The following SMIM31 variants were observed in gnomAD, a reference collection of about 807,000 sequenced individuals.
The protein encoded by SMIM31 is human epithelial cell program regulator.
intron 2 of SMIM31, among the ~76,000 whole-genome samples, chr4:164,797,524 C>A (rs1055083646): frequency 1.4e-5 from 2 of 141,890 alleles, no homozygotes; most frequent in African/African-American, 2.7e-5. Context: ...AATGCAGTGG[C>A]GTGATCTTGG....
At chr4:164,790,626 A>C (rs889029107) in intron 2 of SMIM31, among the ~76,000 whole-genome samples, 1 of 152,052 alleles carries the variant, frequency 6.6e-6, no homozygotes, top group Non-Finnish European at 1.5e-5. Flanking sequence ...GGACAAAAAA[A>C]TAAAATAAAG....
At chr4:164,770,788 T>A (rs940063812) in intron 2 of SMIM31, among the ~76,000 whole-genome samples, 10 of 151,348 alleles carry the variant, frequency 6.6e-5, no homozygotes, top group African/African-American at 2.4e-4. Context: ...TTTAAAAAAA[T>A]TCTGTAGAAG....
At chr4:164,769,248 C>T (rs982772302) in intron 1 of SMIM31, among the ~76,000 whole-genome samples, 1 of 152,204 alleles carries the variant, frequency 6.6e-6, no homozygotes, top group Middle Eastern at 3.4e-3. Context: ...CATTAATATT[C>T]GCAAAATACT....
chr4:164,764,876 A>C (rs894115601), intron 1 of SMIM31, among the ~76,000 whole-genome samples: 2 of 152,228 alleles, frequency 1.3e-5, no homozygotes, highest in Admixed American at 1.3e-4. Flanking sequence ...GTAATAGTTA[A>C]AAAGAACAGA....
At chr4:164,774,193 C>T (rs1732852184) in intron 2 of SMIM31, among the ~76,000 whole-genome samples, 1 of 149,264 alleles carries the variant, frequency 6.7e-6, no homozygotes, top group Non-Finnish European at 1.5e-5. Context: ...AAAGGTTCAT[C>T]ATCATGAAAA....
chr4:164,782,774 T>C (rs957371860), intron 2 of SMIM31, among the ~76,000 whole-genome samples: 4 of 152,158 alleles, frequency 2.6e-5, no homozygotes, highest in Non-Finnish European at 5.9e-5. Context: ...ATGTAAACAG[T>C]ACTGCAAGGT....
intron 1 of SMIM31, among the ~76,000 whole-genome samples, chr4:164,770,109 G>A (rs143868258): frequency 0.016 from 2,481 of 152,232 alleles, 38 homozygotes; most frequent in Middle Eastern, 0.037. Context: ...CTCATTGCAC[G>A]TCAGCATACC....
At chr4:164,792,410 T>G (rs554838748) in intron 2 of SMIM31, among the ~76,000 whole-genome samples, 9 of 152,328 alleles carry the variant, frequency 5.9e-5, no homozygotes, top group Admixed American at 2.6e-4. Context: ...TTGATGTAAA[T>G]TTTGCCAATA....
At chr4:164,798,454 G>A (rs930149635) in intron 2 of SMIM31, among the ~76,000 whole-genome samples, 4 of 151,740 alleles carry the variant, frequency 2.6e-5, no homozygotes, top group Non-Finnish European at 5.9e-5. Context: ...TGTTAACCAG[G>A]ATGGTCTTGA....
At chr4:164,758,801 A>ATTTTTTTTTTTTTTTTTTTTTTTTTTTTT (rs35632469) in intron 1 of SMIM31, among the ~76,000 whole-genome samples, 9 of 60,914 alleles carry the variant, frequency 1.5e-4, no homozygotes, top group Non-Finnish European at 2.0e-4. Context: ...GCCCGGCCAA[A>ATTTTTTTTTTTTTTTTTTTTTTTTTTTTT]TTTTTTTTTT....
chr4:164,773,071 T>C (rs1732834048), intron 2 of SMIM31, among the ~76,000 whole-genome samples: 1 of 151,190 alleles, frequency 6.6e-6, no homozygotes, highest in South Asian at 2.1e-4. Context: ...TATACTTCTC[T>C]TTCTTTCTGC....
intron 1 of SMIM31, among the ~76,000 whole-genome samples, chr4:164,764,347 T>C (rs1732691581): frequency 6.6e-6 from 1 of 151,928 alleles, no homozygotes; most frequent in South Asian, 2.1e-4. Context: ...GGCGGGCAGA[T>C]CATGAGGTCA....
At chr4:164,765,126 C>T (rs989881340) in intron 1 of SMIM31, among the ~76,000 whole-genome samples, 3 of 152,080 alleles carry the variant, frequency 2.0e-5, no homozygotes, top group African/African-American at 7.2e-5. Flanking sequence ...GCTTTTTGTT[C>T]AGAGTTTGAC....
chr4:164,774,403 G>A (rs1446083221), intron 2 of SMIM31, among the ~76,000 whole-genome samples: 1 of 152,114 alleles, frequency 6.6e-6, no homozygotes, highest in African/African-American at 2.4e-5. Context: ...CAAAGCCACT[G>A]ACAAATGAGT....
intron 2 of SMIM31, among the ~76,000 whole-genome samples, chr4:164,788,298 TTGTTGTCC>T (rs953361327): frequency 8.5e-5 from 13 of 152,122 alleles, no homozygotes; most frequent in Admixed American, 1.3e-4. Context: ...TATATGCACT[TTGTTGTCC>T]TGTTGTCCTG....
intron 2 of SMIM31, among the ~76,000 whole-genome samples, chr4:164,772,903 A>G (rs1021030074): frequency 3.9e-4 from 59 of 151,980 alleles, no homozygotes; most frequent in African/African-American, 1.3e-3. Flanking sequence ...AAACTTTACC[A>G]TAGATCACTC....
chr4:164,773,095 T>C (rs1732834251), intron 2 of SMIM31, among the ~76,000 whole-genome samples: 1 of 148,020 alleles, frequency 6.8e-6, no homozygotes, highest in African/African-American at 2.5e-5. Flanking sequence ...GGGCTTAAAT[T>C]GGCTAAAAAG....
At chr4:164,786,108 C>T (rs1042477367) in intron 2 of SMIM31, among the ~76,000 whole-genome samples, 6 of 152,126 alleles carry the variant, frequency 3.9e-5, no homozygotes, top group African/African-American at 1.4e-4. Flanking sequence ...GAAAAATCAA[C>T]TTCACAGATT....
At chr4:164,770,873 T>G (rs935551140) in intron 2 of SMIM31, among the ~76,000 whole-genome samples, 1 of 152,210 alleles carries the variant, frequency 6.6e-6, no homozygotes, top group Non-Finnish European at 1.5e-5. Flanking sequence ...AAGTGTATAA[T>G]TTAAAGGATT....
Sources: allele counts gnomAD v4.1 joint callset (sites outside exome capture counted in the v4.1 genomes callset), GRCh38; gene constraint gnomAD v4.1.1; transcripts MANE v1.5; gene names NCBI Gene and HGNC (gene_info 2026-07-23, HGNC 2026-07-21).